FARS2: variants seen among roughly 807,000 people sequenced by gnomAD.
FARS2 encodes phenylalanyl-tRNA synthetase 2, mitochondrial.
FARS2 carries 40 observed loss-of-function variants against 46.4 expected under a neutral mutation model. The observed-to-expected ratio is 0.86, with a 90% CI of 0.67 to 1.12. The LOEUF is 1.12. Ranked by LOEUF, FARS2 falls within the 50% of genes most tolerant of loss-of-function variation. The pLI is 0.00. For synonymous variants in FARS2, 234 were observed against 214.9 expected (o/e 1.09, Z -0.78); for missense variants, 513 against 567.9 (o/e 0.90, Z 0.98).
At chr6:5,352,398 T>TCATGCCCACTCTG (rs1757633311) in intron 1 of FARS2, among the ~76,000 whole-genome samples, 1 of 152,040 alleles carries the variant, frequency 6.6e-6, no homozygotes, top group Non-Finnish European at 1.5e-5. Flanking sequence ...TTGAAGTACG[T>TCATGCCCACTCTG]CATGCCCACT....
intron 4 of FARS2, among the ~76,000 whole-genome samples, chr6:5,481,626 C>G (rs1396121873): frequency 6.6e-6 from 1 of 152,160 alleles, no homozygotes; most frequent in Non-Finnish European, 1.5e-5. Flanking sequence ...AGGCCCTTGT[C>G]CTTTAGAGTC....
chr6:5,449,843 C>T (rs540838676), intron 4 of FARS2, among the ~76,000 whole-genome samples: 93 of 152,278 alleles, frequency 6.1e-4, no homozygotes, highest in African/African-American at 2.1e-3. Flanking sequence ...TTTAAGATTT[C>T]AGGTTTTTCA....
chr6:5,283,162 C>T (rs188445176), intron 1 of FARS2, among the ~76,000 whole-genome samples: 6 of 152,180 alleles, frequency 3.9e-5, no homozygotes, highest in African/African-American at 1.4e-4. Flanking sequence ...CACCTAAGGT[C>T]AGAAGTTTGA....
intron 6 of FARS2, among the ~76,000 whole-genome samples, chr6:5,763,123 T>C (rs1263918615): frequency 6.6e-6 from 1 of 152,250 alleles, no homozygotes; most frequent in African/African-American, 2.4e-5. Context: ...CGCTGCACTT[T>C]GCCCTCATTA....
chr6:5,630,715 G>C lies in FARS2; in HGVS notation c.1217+17395G>C, dbSNP rs1776256778. ...CTCCTGTCAGCCCTCTCTGAGAAGG[G>C]AGAATTACACAGACGTGATGATTGG... is the stretch of plus-strand genomic sequence containing the variant. On this transcript the variant is annotated intron_variant, in intron 6 of 6. Transcript: ENST00000274680. The surrounding 1 kb of genome is among the most constrained non-coding windows in gnomAD (Gnocchi z 4.2). Among the ~76,000 whole-genome samples the C allele has an allele frequency of 6.6e-6, 1 of 152,216 alleles. No homozygotes were observed. Among genetic ancestry groups the C allele is most frequent in the South Asian group, 2.1e-4 (1 of 4,828 alleles).
intron 6 of FARS2, among the ~76,000 whole-genome samples, chr6:5,715,770 A>G (rs1459519095): frequency 1.3e-5 from 2 of 152,220 alleles, no homozygotes; most frequent in East Asian, 1.9e-4. Context: ...TGATGCTGCT[A>G]TGAACATTTA....
intron 1 of FARS2, among the ~76,000 whole-genome samples, chr6:5,337,830 T>C (rs1166653202): frequency 6.6e-6 from 1 of 152,190 alleles, no homozygotes; most frequent in African/African-American, 2.4e-5. Flanking sequence ...TAGAAATGAT[T>C]GGCTGTAAAG....
Position 5,500,663 on chromosome 6 carries a change from A to G in FARS2, c.905-44517A>G, listed in dbSNP as rs1054376387. Among the ~76,000 whole-genome samples, 6 of 152,100 alleles carry G rather than the reference A, an allele frequency of 3.9e-5. No individual in the cohort carries two copies. The East Asian group carries it at 9.6e-4, about 24-fold the overall frequency. On this transcript the variant is annotated intron_variant, in intron 4 of 6. Coordinates refer to ENST00000274680, the MANE Select transcript of FARS2 (RefSeq NM_006567.5). ...AGGCACGGACTCTGGAGTTAGACAA[A>G]CCTAGGTTTAATTGCTAAGGGAGTC...
Position 5,727,279 on chromosome 6 carries a change from G to A in FARS2, c.1218-44012G>A, listed in dbSNP as rs1306136337. On this transcript the variant is annotated intron_variant, in intron 6 of 6. Coordinates refer to ENST00000274680, the MANE Select transcript of FARS2 (RefSeq NM_006567.5). This position sits in a 1 kb window ranked among gnomAD's most constrained non-coding sequence, Gnocchi z 4.1. ...CAAATGCAGCCTCCTCTATGAGGTT[G>A]GACCCCGTTCCTCTGCACAGAACTT... Among the ~76,000 whole-genome samples the A allele has an allele frequency of 1.3e-5, 2 of 152,166 alleles. No individual in the cohort carries two copies. Among genetic ancestry groups the A allele is most frequent in the African/African-American group, 2.4e-5 (1 of 41,430 alleles).
intron 1 of FARS2, among the ~76,000 whole-genome samples, chr6:5,294,578 C>T (rs530930854): frequency 4.3e-4 from 66 of 152,324 alleles, no homozygotes; most frequent in African/African-American, 1.5e-3. Context: ...CCCTGACAGT[C>T]ACAAGTCCTG....
chr6:5,665,737 C>A (rs759880192), intron 6 of FARS2, among the ~76,000 whole-genome samples: 1 of 152,190 alleles, frequency 6.6e-6, no homozygotes, highest in Non-Finnish European at 1.5e-5. Context: ...TTTCTTTCAA[C>A]TAATTCCTTT....
intron 6 of FARS2, among the ~76,000 whole-genome samples, chr6:5,709,712 A>C (rs1387002703): frequency 1.3e-5 from 1 of 75,988 alleles, no homozygotes; most frequent in Admixed American, 1.1e-4. Flanking sequence ...ATGCACGTGC[A>C]TGTTGGGGGG....
chr6:5,540,323 G>A (rs1770544535), intron 4 of FARS2, among the ~76,000 whole-genome samples: 1 of 152,116 alleles, frequency 6.6e-6, no homozygotes, highest in African/African-American at 2.4e-5. Context: ...CTTCAATGCT[G>A]TTACTTCTGA....
At chr6:5,516,631 A>T (rs1387262454) in intron 4 of FARS2, among the ~76,000 whole-genome samples, 3 of 152,138 alleles carry the variant, frequency 2.0e-5, no homozygotes, top group Non-Finnish European at 4.4e-5. Context: ...AAATAACTAG[A>T]TCATGCCTAA....
At position 5,368,753 on chromosome 6, in the gene FARS2, C is replaced by T. The variant is rs73718082; in HGVS notation, c.183C>T (p.Asp61=). Residue 61 remains aspartate (D), a synonymous_variant, in exon 2 of 7, where the codon GAC becomes GAT. Coordinates refer to ENST00000274680, the MANE Select transcript of FARS2 (RefSeq NM_006567.5). ...TGCTGGGCAAATCCTACCCTCAGGACGACCACAGCAACCTCACCCGGAAGG... is the reference window on the plus strand; with the variant it reads ...TGCTGGGCAAATCCTACCCTCAGGATGACCACAGCAACCTCACCCGGAAGG... The part of the protein sequence containing the change: ...VELLGKSYPQ[D]DHSNLTRKVL... 2,870 of 1,614,100 alleles carry T rather than the reference C, an allele frequency of 1.8e-3. 7 individuals carry two copies. The highest frequency in any genetic ancestry group is 0.012 in the African/African-American group (930 of 75,016).
intron 5 of FARS2, among the ~76,000 whole-genome samples, chr6:5,549,998 G>A (rs1478880802): frequency 6.6e-6 from 1 of 152,126 alleles, no homozygotes; most frequent in East Asian, 1.9e-4. Flanking sequence ...TGACACTCTG[G>A]GTATGATTCA....
chr6:5,437,575 G>A (rs911335866), intron 4 of FARS2, among the ~76,000 whole-genome samples: 1 of 152,074 alleles, frequency 6.6e-6, no homozygotes, highest in East Asian at 1.9e-4. Context: ...ACGAGGAATT[G>A]TTCCTTTTAT....
At chr6:5,620,674 C>T (rs990757844) in intron 6 of FARS2, among the ~76,000 whole-genome samples, 5 of 152,214 alleles carry the variant, frequency 3.3e-5, no homozygotes, top group Non-Finnish European at 7.3e-5. Context: ...CCCACCTGGG[C>T]CCCGAGTCCA....
intron 3 of FARS2, among the ~76,000 whole-genome samples, chr6:5,414,855 A>T (rs1460876962): frequency 2.4e-5 from 3 of 124,512 alleles, no homozygotes; most frequent in Non-Finnish European, 3.1e-5. Context: ...TCACTCTGTC[A>T]CCCAGGCTTG....
Sources: allele counts gnomAD v4.1 joint callset (sites outside exome capture counted in the v4.1 genomes callset), GRCh38; gene constraint gnomAD v4.1.1; non-coding constraint Gnocchi (gnomAD v3.1); transcripts MANE v1.5; gene names NCBI Gene and HGNC (gene_info 2026-07-23, HGNC 2026-07-21).